Variants in ARHGEF28 observed in about 807,000 individuals in gnomAD.
ARHGEF28 encodes Rho guanine nucleotide exchange factor 28.
ARHGEF28 carries 152 observed loss-of-function variants against 206.6 expected under a neutral mutation model. The observed-to-expected ratio is 0.74, with a 90% CI of 0.64 to 0.84. ARHGEF28 has a LOEUF of 0.84. ARHGEF28 is among the 40% of genes least tolerant of loss of function. The probability of loss-of-function intolerance (pLI) is 0.00; values close to 1 mark genes in which losing one functional copy is unlikely to be tolerated. For synonymous variants in ARHGEF28, 763 were observed against 776.4 expected, an observed-to-expected ratio of 0.98 and a Z score of 0.29; for missense variants, 2,028 against 2,073.2, an observed-to-expected ratio of 0.98 and a Z score of 0.42.
chr5:73,657,955 G>A (rs184217957), intron 1 of ARHGEF28, among the ~76,000 whole-genome samples: 51 of 152,162 alleles, frequency 3.4e-4, no homozygotes, highest in African/African-American at 1.1e-3. Context: ...AAGATTCTTC[G>A]TAGGACATCA....
At chr5:73,740,782 T>G (rs1751333577) in intron 2 of ARHGEF28, among the ~76,000 whole-genome samples, 1 of 152,166 alleles carries the variant, frequency 6.6e-6, no homozygotes. Flanking sequence ...GGCCCAGGTG[T>G]GTCTGACAGG....
chr5:73,805,119 G>A (rs1755363397), intron 9 of ARHGEF28, among the ~76,000 whole-genome samples: 1 of 152,112 alleles, frequency 6.6e-6, no homozygotes, highest in South Asian at 2.1e-4. Flanking sequence ...TGTTGTCAAA[G>A]TGTTCCAGTT....
intron 2 of ARHGEF28, among the ~76,000 whole-genome samples, chr5:73,687,714 C>A (rs1205002125): frequency 6.6e-6 from 1 of 151,640 alleles, no homozygotes; most frequent in East Asian, 1.9e-4. Context: ...TTCATAAGCC[C>A]TTAATATTTT....
At chr5:73,632,319 G>A (rs1743420854) in intron 1 of ARHGEF28, among the ~76,000 whole-genome samples, 1 of 152,140 alleles carries the variant, frequency 6.6e-6, no homozygotes, top group Non-Finnish European at 1.5e-5. Flanking sequence ...CCTGCATGGG[G>A]AAATGAATGA....
chr5:73,886,666 A>G (rs1455137251), intron 25 of ARHGEF28, among the ~76,000 whole-genome samples: 2 of 152,202 alleles, frequency 1.3e-5, no homozygotes, highest in Non-Finnish European at 2.9e-5. Flanking sequence ...TTAAGGACTC[A>G]TTATGTAGCT....
At chr5:73,696,119 T>C (rs533910347) in intron 2 of ARHGEF28, among the ~76,000 whole-genome samples, 1 of 152,330 alleles carries the variant, frequency 6.6e-6, no homozygotes. Flanking sequence ...CACTGTAGGC[T>C]TTCACTAAAC....
intron 35 of ARHGEF28, among the ~76,000 whole-genome samples, chr5:73,916,044 T>C (rs1763193636): frequency 6.6e-6 from 1 of 152,238 alleles, no homozygotes. Context: ...GCATTGTATT[T>C]AGAATACCTC....
At chr5:73,886,475 T>A (rs1395091851) in intron 25 of ARHGEF28, among the ~76,000 whole-genome samples, 1 of 152,188 alleles carries the variant, frequency 6.6e-6, no homozygotes, top group African/African-American at 2.4e-5. Flanking sequence ...CAACACAGCC[T>A]AGGGCTGTCA....
At chr5:73,747,683 G>A (rs1751800543) in intron 2 of ARHGEF28, among the ~76,000 whole-genome samples, 1 of 152,070 alleles carries the variant, frequency 6.6e-6, no homozygotes, top group Non-Finnish European at 1.5e-5. Context: ...TACCATATAA[G>A]AGACTTTTTT....
rs570787875 is a variant in ARHGEF28, at chr5:73,940,866, G to C, written c.4971G>C (p.Glu1657Asp). Reference sequence around the variant, plus strand: ...CAGATTTGGACACCTCCCACACTGAGTCCCCAACCCCCCATGACTCAAATT... The same window carrying C: ...CAGATTTGGACACCTCCCACACTGACTCCCCAACCCCCCATGACTCAAATT... ...CKNDLDTSHTESPTPHDSNSH... is the reference protein window; with the variant it reads ...CKNDLDTSHTDSPTPHDSNSH... The change falls in exon 36 of 36, where the codon GAG becomes GAC. Residue 1657 changes from glutamate (E) to aspartate (D), a missense_variant. Around this residue, in one of 3 missense-constraint regions of ARHGEF28, gnomAD observed 803 missense variants for 768.0 expected, o/e 1.05. Transcript: ENST00000513042. 6.6e-7 allele frequency: 1 copy of C among 1,523,930 alleles called. No homozygotes were observed. Among genetic ancestry groups the C allele is most frequent in the Non-Finnish European group, 8.7e-7 (1 of 1,143,162 alleles). The allele number at this position is 1,523,930 out of a possible 1,614,324, so 94.4% of individuals were successfully genotyped here. A position where few individuals can be genotyped will look rare whatever the true frequency, so the allele number is the denominator to read the frequency against.
intron 35 of ARHGEF28, among the ~76,000 whole-genome samples, chr5:73,913,714 C>T (rs1763044880): frequency 6.6e-6 from 1 of 152,206 alleles, no homozygotes. Context: ...GCTGCTGAAT[C>T]TGGGTGAGTG....
At chr5:73,882,234 A>G (rs973410991) in intron 22 of ARHGEF28, among the ~76,000 whole-genome samples, 2 of 152,222 alleles carry the variant, frequency 1.3e-5, no homozygotes, top group Non-Finnish European at 2.9e-5. Flanking sequence ...TCATTTGGCT[A>G]TTTGATAATT....
At chr5:73,854,089 C>A (rs1000198166) in intron 14 of ARHGEF28, among the ~76,000 whole-genome samples, 1 of 152,004 alleles carries the variant, frequency 6.6e-6, no homozygotes, top group Admixed American at 6.6e-5. Flanking sequence ...CTGAAAGCAT[C>A]TTACTCTCTC....
chr5:73,857,970 T>C (rs1468034400), intron 15 of ARHGEF28, 117 bp from the exon 16 acceptor site: 24 of 1,466,674 alleles, frequency 1.6e-5, no homozygotes, highest in Non-Finnish European at 2.1e-5. Flanking sequence ...GCAGTCCTTA[T>C]ATTCTGATGG....
At chr5:73,917,753 A>G (rs954069903) in intron 35 of ARHGEF28, among the ~76,000 whole-genome samples, 1 of 152,228 alleles carries the variant, frequency 6.6e-6, no homozygotes, top group African/African-American at 2.4e-5. Flanking sequence ...TGCTCCAGAG[A>G]GCATCAGAGG....
chr5:73,845,109 C>T (rs934909535), intron 11 of ARHGEF28, among the ~76,000 whole-genome samples: 3 of 150,282 alleles, frequency 2.0e-5, no homozygotes, highest in Non-Finnish European at 4.4e-5. Context: ...GCTCTGCCTC[C>T]TGGGTTCACG....
At chr5:73,715,409 A>G (rs550650099) in intron 2 of ARHGEF28, among the ~76,000 whole-genome samples, 3 of 152,190 alleles carry the variant, frequency 2.0e-5, no homozygotes, top group Non-Finnish European at 1.5e-5. Flanking sequence ...CCTAGGTCAT[A>G]TGACTGCTAA....
At position 73,788,321 on chromosome 5, in the gene ARHGEF28, C is replaced by A. The variant is rs114041830; in HGVS notation, c.911-6081C>A. Reference sequence around the variant, plus strand: ...CATTGATTAACTTAGGAAAATTATGCCCTGGCTTCAATTTAAAAATGCAGT... The same window carrying A: ...CATTGATTAACTTAGGAAAATTATGACCTGGCTTCAATTTAAAAATGCAGT... On this transcript the variant is annotated intron_variant, in intron 7 of 35. Transcript: ENST00000513042. 6.7e-3 allele frequency among the ~76,000 whole-genome samples: 1,025 copies of A among 152,126 alleles called. 7 individuals carry two copies. The highest frequency in any genetic ancestry group is 0.01 in the Non-Finnish European group (702 of 67,988).
intron 26 of ARHGEF28, 145 bp downstream of exon 26, chr5:73,887,824 T>C (rs1201491913): frequency 4.2e-6 from 3 of 713,996 alleles, no homozygotes; most frequent in Non-Finnish European, 6.6e-6. Flanking sequence ...GTGATTGCAG[T>C]GTTTAGAGAC....
Sources: gnomAD v4.1 joint callset for allele counts (sites outside exome capture counted in the v4.1 genomes callset) on GRCh38, gnomAD v4.1.1 for gene constraint, gnomAD v4.1.1 regional missense constraint, MANE v1.5 for transcripts, NCBI Gene and HGNC (gene_info 2026-07-23, HGNC 2026-07-21) for gene names.